PPP2R2B: variants seen among roughly 807,000 people sequenced by gnomAD.
The protein encoded by PPP2R2B is serine/threonine-protein phosphatase 2A 55 kDa regulatory subunit B beta isoform.
In PPP2R2B, 5 loss-of-function variants were observed where a neutral mutation model predicts 46.0. The observed-to-expected ratio is 0.11, with a 90% confidence interval of 0.06 to 0.23. The LOEUF (loss-of-function observed/expected upper bound fraction) is 0.23. PPP2R2B is among the 10% of genes least tolerant of loss of function. PPP2R2B has a pLI of 1.00. For synonymous variants in PPP2R2B, 215 were observed against 206.7 expected, an observed-to-expected ratio of 1.04 and a Z score of -0.34; for missense variants, 367 against 575.0, an observed-to-expected ratio of 0.64 and a Z score of 3.70.
intron 1 of PPP2R2B, among the ~76,000 whole-genome samples, chr5:146,913,216 A>G (rs1282670678): frequency 2.6e-5 from 4 of 152,182 alleles, no homozygotes; most frequent in African/African-American, 9.7e-5. Context: ...GTGCCAAATA[A>G]ATGTTTGTCC....
chr5:146,709,029 C>T (rs888710896), intron 2 of PPP2R2B, among the ~76,000 whole-genome samples: 3 of 152,212 alleles, frequency 2.0e-5, no homozygotes, highest in Non-Finnish European at 2.9e-5. Flanking sequence ...TGCTTGCTAT[C>T]CTTGACCTAC....
chr5:147,024,967 G>A (rs1253418752), intron 1 of PPP2R2B, among the ~76,000 whole-genome samples: 2 of 151,694 alleles, frequency 1.3e-5, no homozygotes, highest in African/African-American at 2.4e-5. Context: ...AAAGATAAGA[G>A]CCAGAATAAA....
intron 2 of PPP2R2B, among the ~76,000 whole-genome samples, chr5:146,712,061 A>G (rs1308997893): frequency 2.0e-5 from 3 of 152,226 alleles, no homozygotes; most frequent in Non-Finnish European, 2.9e-5. Flanking sequence ...TATGATAGGC[A>G]AGGATTTGAT....
intron 1 of PPP2R2B, among the ~76,000 whole-genome samples, chr5:146,889,308 T>A (rs1211374107): frequency 6.6e-6 from 1 of 152,114 alleles, no homozygotes; most frequent in African/African-American, 2.4e-5. Flanking sequence ...GAGGACTGGC[T>A]CCAGTGGAAC....
upstream of PPP2R2B, among the ~76,000 whole-genome samples, chr5:147,058,118 C>T (rs1757146187): frequency 6.6e-6 from 1 of 152,188 alleles, no homozygotes; most frequent in Admixed American, 6.5e-5. Context: ...ACTGCCTCAC[C>T]TAGTGCCTGC....
intron 2 of PPP2R2B, among the ~76,000 whole-genome samples, chr5:146,748,528 A>T (rs1266344118): frequency 6.6e-6 from 1 of 152,140 alleles, no homozygotes; most frequent in Non-Finnish European, 1.5e-5. Context: ...GGCAACCATT[A>T]ATCTGTTCTC....
chr5:146,638,482 G>A (rs1774970138), intron 6 of PPP2R2B, 67 bp from the exon 7 acceptor site: 1 of 1,402,190 alleles, frequency 7.1e-7, no homozygotes, highest in Admixed American at 1.9e-5. Context: ...GGGAGAATTA[G>A]CAATGGCACC....
At chr5:147,030,873 T>A in intron 1 of PPP2R2B, among the ~76,000 whole-genome samples, 1 of 152,200 alleles carries the variant, frequency 6.6e-6, no homozygotes, top group East Asian at 1.9e-4. Flanking sequence ...TTCATTATGG[T>A]TCACTCACTT....
intron 1 of PPP2R2B, among the ~76,000 whole-genome samples, chr5:146,995,127 G>A (rs531467800): frequency 6.6e-5 from 10 of 152,278 alleles, no homozygotes; most frequent in South Asian, 4.1e-4. Flanking sequence ...TCATCTGGGC[G>A]TCTAATAACA....
chr5:146,769,355 A>G (rs200111570), intron 2 of PPP2R2B, among the ~76,000 whole-genome samples: 1 of 152,148 alleles, frequency 6.6e-6, no homozygotes, highest in African/African-American at 2.4e-5. Context: ...TGGCAAATCC[A>G]TGTGTATTAG....
At chr5:146,627,506 G>T (rs1774143740) in intron 7 of PPP2R2B, among the ~76,000 whole-genome samples, 1 of 152,162 alleles carries the variant, frequency 6.6e-6, no homozygotes, top group East Asian at 1.9e-4. Flanking sequence ...TTAATTCTAT[G>T]GTTGAAAATG....
chr5:147,024,457 T>A (rs1159686245), intron 1 of PPP2R2B, among the ~76,000 whole-genome samples: 4 of 152,148 alleles, frequency 2.6e-5, no homozygotes, highest in Non-Finnish European at 4.4e-5. Context: ...GCAAACACAT[T>A]ATTATCCAAT....
chr5:146,968,172 G>A (rs1330427911), intron 1 of PPP2R2B, among the ~76,000 whole-genome samples: 1 of 152,156 alleles, frequency 6.6e-6, no homozygotes, highest in African/African-American at 2.4e-5. Flanking sequence ...AAGGACAGTG[G>A]CAAAGTCATT....
intron 7 of PPP2R2B, among the ~76,000 whole-genome samples, chr5:146,637,104 C>T (rs182722399): frequency 6.6e-6 from 1 of 152,350 alleles, no homozygotes; most frequent in African/African-American, 2.4e-5. Flanking sequence ...TTCCTGGGTG[C>T]ATCTTGCCTC....
At chr5:147,051,035 G>A (rs980253383) in intron 1 of PPP2R2B, among the ~76,000 whole-genome samples, 8 of 152,036 alleles carry the variant, frequency 5.3e-5, no homozygotes, top group African/African-American at 1.7e-4. Context: ...GCACTAAACC[G>A]GGATGCCAAG....
At position 146,803,580 on chromosome 5, in the gene PPP2R2B, T is replaced by G. The variant is rs78592301; in HGVS notation, c.70+74422A>C. ...AAAATATTATATTCTAGCTAAGTCA[T>G]GCAGCTTTATTTAAGTCATCATTAG... On this transcript the variant is annotated intron_variant, in intron 2 of 9. Coordinates refer to ENST00000394411, the MANE Select transcript of PPP2R2B (RefSeq NM_181675.4). 7.4e-3 allele frequency among the ~76,000 whole-genome samples: 1,134 copies of G among 152,280 alleles called. 17 individuals carry two copies. Among genetic ancestry groups the G allele is most frequent in the African/African-American group, 0.026 (1,079 of 41,562 alleles).
intron 2 of PPP2R2B, among the ~76,000 whole-genome samples, chr5:146,741,853 GTC>G (rs1466211393): frequency 6.6e-6 from 1 of 152,192 alleles, no homozygotes; most frequent in African/African-American, 2.4e-5. Context: ...GGTTCAACAA[GTC>G]TGTTTTGACA....
intron 2 of PPP2R2B, among the ~76,000 whole-genome samples, chr5:146,874,313 C>T (rs1456293224): frequency 6.6e-6 from 1 of 152,186 alleles, no homozygotes; most frequent in East Asian, 1.9e-4. Flanking sequence ...GAATTAAAGG[C>T]AGAATGAATC....
chr5:146,982,530 A>G (rs1753224090), intron 1 of PPP2R2B, among the ~76,000 whole-genome samples: 1 of 152,194 alleles, frequency 6.6e-6, no homozygotes, highest in Non-Finnish European at 1.5e-5. Context: ...GTAGGGTTCT[A>G]TAAATGTCAA....
Sources: gnomAD v4.1 joint callset for allele counts (sites outside exome capture counted in the v4.1 genomes callset) on GRCh38, gnomAD v4.1.1 for gene constraint, MANE v1.5 for transcripts, NCBI Gene and HGNC (gene_info 2026-07-23, HGNC 2026-07-21) for gene names.